AGBL4: variants seen among roughly 807,000 people sequenced by gnomAD.
AGBL4 encodes the protein AGBL carboxypeptidase 4.
Under a neutral mutation model 66.4 loss-of-function variants are expected in AGBL4, and 58 were observed. The ratio of observed to expected loss-of-function variants is 0.87; its 90% CI spans 0.71 to 1.09. The LOEUF (loss-of-function observed/expected upper bound fraction) is 1.09, where lower values mean the gene tolerates loss of function less well. Among genes scored for constraint, AGBL4 ranks in the 50% least tolerant of loss-of-function variants. The probability of loss-of-function intolerance (pLI) is 0.00; values close to 1 mark genes in which losing one functional copy is unlikely to be tolerated. For synonymous variants in AGBL4, 234 were observed against 222.9 expected, an observed-to-expected ratio of 1.05 and a Z score of -0.44; for missense variants, 579 against 631.0, an observed-to-expected ratio of 0.92 and a Z score of 0.88.
intron 4 of AGBL4, among the ~76,000 whole-genome samples, chr1:49,108,246 C>T (rs1254369857): frequency 6.6e-6 from 1 of 152,148 alleles, no homozygotes; most frequent in African/African-American, 2.4e-5. Context: ...ACTCATTCAA[C>T]AAATATTAAT....
intron 2 of AGBL4, among the ~76,000 whole-genome samples, chr1:49,739,624 T>TGAA (rs773212026): frequency 2.1e-4 from 32 of 149,414 alleles, no homozygotes; most frequent in Non-Finnish European, 4.1e-4. Flanking sequence ...AAAGTTGAAA[T>TGAA]GGAAAAAATG....
chr1:49,979,269 G>A (rs1658853192), intron 1 of AGBL4, among the ~76,000 whole-genome samples: 1 of 151,466 alleles, frequency 6.6e-6, no homozygotes, highest in Non-Finnish European at 1.5e-5. Context: ...AGACCATCCT[G>A]GCTAACAAGG....
intron 3 of AGBL4, among the ~76,000 whole-genome samples, chr1:49,465,012 T>C (rs1017699498): frequency 1.3e-5 from 2 of 151,656 alleles, no homozygotes; most frequent in East Asian, 1.9e-4. Context: ...ACAAGTAACA[T>C]GCACTTCCCT....
At chr1:48,979,913 T>G (rs61786029) in intron 5 of AGBL4, among the ~76,000 whole-genome samples, 57,805 of 152,060 alleles carry the variant, frequency 0.38, 13,868 homozygotes, top group Non-Finnish European at 0.54. Flanking sequence ...GAGGTAACAA[T>G]GCTTAACATG....
intron 1 of AGBL4, among the ~76,000 whole-genome samples, chr1:49,930,115 T>C (rs1653185758): frequency 6.6e-6 from 1 of 152,066 alleles, no homozygotes. Context: ...TATCCATTTT[T>C]TAGAATGAGA....
At chr1:49,858,358 A>G (rs1303202989) in intron 1 of AGBL4, among the ~76,000 whole-genome samples, 1 of 152,204 alleles carries the variant, frequency 6.6e-6, no homozygotes. Flanking sequence ...TAAAAGTACC[A>G]TACAATCCAG....
chr1:49,389,470 G>C (rs1644802933), intron 3 of AGBL4, among the ~76,000 whole-genome samples: 1 of 152,048 alleles, frequency 6.6e-6, no homozygotes, highest in Non-Finnish European at 1.5e-5. Flanking sequence ...GGCTTGACTT[G>C]AGAAGTCAAG....
intron 1 of AGBL4, among the ~76,000 whole-genome samples, chr1:49,914,635 C>T (rs532619981): frequency 3.9e-5 from 6 of 152,294 alleles, no homozygotes; most frequent in South Asian, 4.1e-4. Flanking sequence ...CTATCTATTA[C>T]GCAGATCCAA....
At chr1:48,604,359 C>T (rs145182004) in intron 9 of AGBL4, among the ~76,000 whole-genome samples, 31 of 152,126 alleles carry the variant, frequency 2.0e-4, no homozygotes, top group East Asian at 5.8e-4. Flanking sequence ...CTCCTTGGTA[C>T]GTGTTCCCAG....
intron 3 of AGBL4, among the ~76,000 whole-genome samples, chr1:49,674,305 T>C (rs1646537876): frequency 6.6e-6 from 1 of 151,906 alleles, no homozygotes; most frequent in African/African-American, 2.4e-5. Context: ...ACCTTGCATT[T>C]ATTGGTCATA....
At chr1:48,692,178 G>A (rs1012073015) in intron 6 of AGBL4, among the ~76,000 whole-genome samples, 6 of 152,206 alleles carry the variant, frequency 3.9e-5, no homozygotes, top group Non-Finnish European at 8.8e-5. Flanking sequence ...GATACAGGGG[G>A]AAGGGTGTGA....
intron 3 of AGBL4, among the ~76,000 whole-genome samples, chr1:49,323,776 A>G (rs1178824057): frequency 6.6e-6 from 1 of 151,712 alleles, no homozygotes; most frequent in Admixed American, 6.6e-5. Flanking sequence ...TTCAGAAAAA[A>G]AAAAAAAGCC....
At chr1:49,104,932 G>T (rs1001651817) in intron 4 of AGBL4, among the ~76,000 whole-genome samples, 29 of 152,130 alleles carry the variant, frequency 1.9e-4, no homozygotes, top group African/African-American at 7.0e-4. Flanking sequence ...CTAGAGCTGG[G>T]AGATATCACA....
intron 2 of AGBL4, among the ~76,000 whole-genome samples, chr1:49,744,057 A>T (rs942167823): frequency 6.6e-6 from 1 of 152,178 alleles, no homozygotes; most frequent in Non-Finnish European, 1.5e-5. Context: ...AGTATAATAA[A>T]AAAAAAAGAT....
chr1:49,974,046 T>C (rs924926658), intron 1 of AGBL4, among the ~76,000 whole-genome samples: 1 of 152,126 alleles, frequency 6.6e-6, no homozygotes, highest in African/African-American at 2.4e-5. Flanking sequence ...CTTGCAAGAA[T>C]ATGTCTTATG....
At chr1:49,508,880 G>A (rs913408791) in intron 3 of AGBL4, among the ~76,000 whole-genome samples, 2 of 151,680 alleles carry the variant, frequency 1.3e-5, no homozygotes, top group Non-Finnish European at 2.9e-5. Flanking sequence ...TTTGTGATAT[G>A]ACTCAATACA....
At chr1:49,577,720 G>T (rs1182527788) in intron 3 of AGBL4, among the ~76,000 whole-genome samples, 1 of 152,198 alleles carries the variant, frequency 6.6e-6, no homozygotes, top group Admixed American at 6.5e-5. Context: ...GTAGGCTCAG[G>T]CTCATGGAAT....
rs1662636673 is a variant in AGBL4, at chr1:50,023,861, G to T, written c.-65C>A. On this transcript the variant is annotated 5_prime_UTR_variant, in exon 1 of 14. Coordinates refer to ENST00000371839, the MANE Select transcript of AGBL4 (RefSeq NM_032785.4). ...CGGGGCAGTAGGGAGCGGGTGGTGG[G>T]ATCAGTGGGCTGACAGGAGCTACCT... is the stretch of plus-strand genomic sequence containing the variant. The T allele has an allele frequency of 2.0e-6, 3 of 1,516,598 alleles. No homozygotes were observed. In the East Asian group the frequency reaches 7.9e-5, roughly 40 times the overall value. The allele number at this position is 1,516,598 out of a possible 1,614,324, so 93.9% of individuals were successfully genotyped here.
intron 5 of AGBL4, among the ~76,000 whole-genome samples, chr1:48,900,355 A>T (rs752140610): frequency 6.6e-6 from 1 of 152,234 alleles, no homozygotes; most frequent in Non-Finnish European, 1.5e-5. Flanking sequence ...AATCCACTAA[A>T]TCCTAGCAGG....
Sources: gnomAD v4.1 joint callset for allele counts (sites outside exome capture counted in the v4.1 genomes callset) on GRCh38, gnomAD v4.1.1 for gene constraint, MANE v1.5 for transcripts, NCBI Gene and HGNC (gene_info 2026-07-23, HGNC 2026-07-21) for gene names.